The following WDR41 variants were observed in gnomAD, a reference collection of about 807,000 sequenced individuals.
The protein encoded by WDR41 is WD repeat domain 41, also known as WD repeat-containing protein 41.
WDR41 carries 63 observed loss-of-function variants against 69.3 expected under a neutral mutation model. The ratio of observed to expected loss-of-function variants is 0.91; its 90% CI spans 0.74 to 1.12. The LOEUF (loss-of-function observed/expected upper bound fraction) is 1.12, where lower values mean the gene tolerates loss of function less well. Among genes scored for constraint, WDR41 ranks in the 50% most tolerant of loss-of-function variants. WDR41 has a pLI of 0.00. For synonymous variants in WDR41, 185 were observed against 192.1 expected (o/e 0.96, Z 0.31); for missense variants, 543 against 534.5 (o/e 1.02, Z -0.16).
intron 1 of WDR41, among the ~76,000 whole-genome samples, chr5:77,502,433 T>G (rs1432122516): frequency 6.6e-6 from 1 of 151,808 alleles, no homozygotes; most frequent in Non-Finnish European, 1.5e-5. Flanking sequence ...TGCAACCAAG[T>G]TGGAAAACAC....
intron 4 of WDR41, among the ~76,000 whole-genome samples, chr5:77,460,699 C>T (rs994106363): frequency 6.6e-6 from 1 of 150,976 alleles, no homozygotes; most frequent in Non-Finnish European, 1.5e-5. Flanking sequence ...TTCATATACA[C>T]CTTATACATA....
chr5:77,504,942 G>A (rs12110029), intron 1 of WDR41, among the ~76,000 whole-genome samples: 1 of 152,128 alleles, frequency 6.6e-6, no homozygotes, highest in Non-Finnish European at 1.5e-5. Context: ...AAAACTGGAA[G>A]CATTCCCTTT....
chr5:77,441,695 G>A lies in WDR41; in HGVS notation c.698-698C>T, dbSNP rs553586939. On this transcript the variant is annotated intron_variant, in intron 8 of 12. Coordinates refer to ENST00000296679, the MANE Select transcript of WDR41 (RefSeq NM_018268.4). ...AGAGGTCGCAGTGAGCTGAGATCGC[G>A]CCACTGCACTCCAGCCTGGGCAATA... 1.6e-4 allele frequency among the ~76,000 whole-genome samples: 24 copies of A among 151,990 alleles called. No homozygotes were observed. In the Middle Eastern group the frequency reaches 0.01, roughly 65 times the overall value.
intron 1 of WDR41, among the ~76,000 whole-genome samples, chr5:77,613,967 T>C (rs972102922): frequency 7.2e-5 from 11 of 151,942 alleles, no homozygotes; most frequent in African/African-American, 2.2e-4. Context: ...CAAACAACCC[T>C]ATCAACAAGT....
chr5:77,536,204 G>C (rs2112216299), intron 1 of WDR41, among the ~76,000 whole-genome samples: 3 of 152,224 alleles, frequency 2.0e-5, no homozygotes, highest in Middle Eastern at 3.4e-3. Flanking sequence ...CCCCCTGCAA[G>C]TCTCCTGATG....
At chr5:77,572,154 C>T (rs559803410) in intron 1 of WDR41, among the ~76,000 whole-genome samples, 5 of 152,260 alleles carry the variant, frequency 3.3e-5, no homozygotes, top group Non-Finnish European at 5.9e-5. Context: ...ATCTTAGTAA[C>T]GACCACTATT....
At chr5:77,552,015 T>C (rs865842050) in intron 1 of WDR41, among the ~76,000 whole-genome samples, 47 of 116,850 alleles carry the variant, frequency 4.0e-4, no homozygotes, top group Non-Finnish European at 2.8e-4. Flanking sequence ...TAAAATAAAA[T>C]AAAATAAAAT....
chr5:77,453,512 A>G (rs1259236234), intron 6 of WDR41, among the ~76,000 whole-genome samples: 1 of 152,170 alleles, frequency 6.6e-6, no homozygotes, highest in East Asian at 1.9e-4. Flanking sequence ...GACCCCACAA[A>G]TGCTACTGTA....
chr5:77,481,655 C>T (rs188887824), intron 2 of WDR41, among the ~76,000 whole-genome samples: 2 of 151,972 alleles, frequency 1.3e-5, no homozygotes, highest in African/African-American at 2.4e-5. Flanking sequence ...TGTGGTGGCA[C>T]ATGCCTGTAG....
intron 4 of WDR41, among the ~76,000 whole-genome samples, chr5:77,461,132 T>C (rs939298913): frequency 1.8e-4 from 27 of 152,160 alleles, no homozygotes; most frequent in Middle Eastern, 3.2e-3. Context: ...TAATAGAGTA[T>C]TTTAAATTCT....
intron 1 of WDR41, among the ~76,000 whole-genome samples, chr5:77,505,670 T>C (rs1802093934): frequency 6.6e-6 from 1 of 152,200 alleles, no homozygotes; most frequent in Non-Finnish European, 1.5e-5. Context: ...AACAGCATAG[T>C]ACTGGTACCA....
At chr5:77,619,566 T>G (rs2112354688) in intron 1 of WDR41, among the ~76,000 whole-genome samples, 1 of 152,144 alleles carries the variant, frequency 6.6e-6, no homozygotes, top group Admixed American at 6.5e-5. Context: ...CAAGTCCAGG[T>G]GTCTCTGATG....
chr5:77,556,929 G>A (rs935996079), intron 1 of WDR41, among the ~76,000 whole-genome samples: 18 of 152,082 alleles, frequency 1.2e-4, no homozygotes, highest in Non-Finnish European at 2.1e-4. Flanking sequence ...ACCAAGGGAG[G>A]GGGCACCTGG....
chr5:77,582,996 C>T, intron 1 of WDR41: 1 of 1,600,636 alleles, frequency 6.2e-7, no homozygotes, highest in Non-Finnish European at 8.5e-7. Flanking sequence ...CAAATAACTT[C>T]CTGTGGCCCT....
intron 1 of WDR41, among the ~76,000 whole-genome samples, chr5:77,603,896 T>C (rs1744369421): frequency 1.3e-5 from 2 of 152,330 alleles, no homozygotes; most frequent in South Asian, 4.1e-4. Flanking sequence ...ATATGTGGAT[T>C]TATTTCTGGA....
chr5:77,441,462 A>G (rs1473146932), intron 8 of WDR41, among the ~76,000 whole-genome samples: 2 of 152,080 alleles, frequency 1.3e-5, no homozygotes, highest in Non-Finnish European at 2.9e-5. Flanking sequence ...TGGCAAAACA[A>G]AAACAAGGAC....
chr5:77,459,918 T>C (rs1290690381), intron 4 of WDR41, among the ~76,000 whole-genome samples: 1 of 152,166 alleles, frequency 6.6e-6, no homozygotes, highest in Non-Finnish European at 1.5e-5. Context: ...ATATCCTAAG[T>C]CAAAATGCAT....
chr5:77,493,046 G>A (rs1047425279), upstream of WDR41, among the ~76,000 whole-genome samples: 12 of 152,090 alleles, frequency 7.9e-5, no homozygotes, highest in Non-Finnish European at 5.9e-5. Flanking sequence ...TAGTCAAAGG[G>A]CTGTGGTTAT....
chr5:77,595,834 T>C (rs1351135606), intron 1 of WDR41, among the ~76,000 whole-genome samples: 1 of 152,224 alleles, frequency 6.6e-6, no homozygotes, highest in Non-Finnish European at 1.5e-5. Flanking sequence ...AAATTACAAC[T>C]TAGCTTTTCA....
Sources: gnomAD v4.1 joint callset for allele counts (sites outside exome capture counted in the v4.1 genomes callset) on GRCh38, gnomAD v4.1.1 for gene constraint, MANE v1.5 for transcripts, NCBI Gene and HGNC (gene_info 2026-07-23, HGNC 2026-07-21) for gene names.